Variants in TMEM53 observed in about 807,000 individuals in gnomAD.
The protein encoded by TMEM53 is transmembrane protein 53.
Under a neutral mutation model 21.4 loss-of-function variants are expected in TMEM53, and 14 were observed. That is an observed-to-expected ratio of 0.65 (90% CI 0.43 to 1.02). The LOEUF (loss-of-function observed/expected upper bound fraction) is 1.02. TMEM53 is among the 50% of genes least tolerant of loss of function. The pLI, the probability that TMEM53 is intolerant of heterozygous loss-of-function variation, is 0.00. For missense variants in TMEM53, 323 were observed against 383.6 expected (o/e 0.84, Z 1.32); for synonymous variants, 148 against 157.4 (o/e 0.94, Z 0.45).
intron 1 of TMEM53, among the ~76,000 whole-genome samples, chr1:44,667,907 C>T (rs1055127482): frequency 3.9e-5 from 6 of 152,234 alleles, no homozygotes; most frequent in African/African-American, 1.4e-4. Flanking sequence ...ATCTCACAAG[C>T]TCCCTGTCCT....
In TMEM53 at chr1:44,674,326, C is replaced by T; in HGVS notation, c.61+5G>A. 3 of 1,611,548 alleles carry T rather than the reference C, an allele frequency of 1.9e-6. No individual in the cohort carries two copies. The highest frequency in any genetic ancestry group is 2.5e-6 in the Non-Finnish European group (3 of 1,178,732). On this transcript the variant is annotated splice_donor_5th_base_variant and intron_variant, in intron 1 of 2. Coordinates refer to ENST00000372237, the MANE Select transcript of TMEM53 (RefSeq NM_024587.4). ...CCGCGCCTGGACCCAACCCTCATTCCATACTCTGGCTCCAGCAGGGCTGAT... is the reference window on the plus strand; with the variant it reads ...CCGCGCCTGGACCCAACCCTCATTCTATACTCTGGCTCCAGCAGGGCTGAT...
At chr1:44,671,870 A>G (rs896605386) in intron 1 of TMEM53, among the ~76,000 whole-genome samples, 9 of 152,262 alleles carry the variant, frequency 5.9e-5, no homozygotes, top group African/African-American at 2.2e-4. Flanking sequence ...CGGAGGTTGC[A>G]GTGAACTGAG....
At chr1:44,674,236 C>G in intron 1 of TMEM53, 95 bp downstream of exon 1, 2 of 1,489,180 alleles carry the variant, frequency 1.3e-6, no homozygotes, top group South Asian at 1.3e-5. Flanking sequence ...CGAGGGAGGG[C>G]GGGGCCGCAT....
chr1:44,657,893 T>C lies in TMEM53; in HGVS notation c.183+2281A>G, dbSNP rs191393762. 6.3e-3 allele frequency among the ~76,000 whole-genome samples: 893 copies of C among 141,670 alleles called. 9 individuals carry two copies. Among genetic ancestry groups the C allele is most frequent in the African/African-American group, 0.021 (844 of 41,132 alleles). 92.9% of individuals were successfully genotyped at this position (141,670 alleles called of 152,430 possible). On this transcript the variant is annotated intron_variant, in intron 2 of 2. Transcript: ENST00000372237. ...GAGTTTTGGGTTGGACTTTTTTTTT[T>C]TCTCTACATTCATCCTGTCCTCCCT...
chr1:44,661,450 A>AGGCT (rs1644901879), intron 1 of TMEM53, among the ~76,000 whole-genome samples: 2 of 151,052 alleles, frequency 1.3e-5, no homozygotes, highest in Non-Finnish European at 3.0e-5. Context: ...CATGTTGGCC[A>AGGCT]GGCTGGTCTC....
chr1:44,659,390 G>A (rs1644878745), intron 2 of TMEM53, among the ~76,000 whole-genome samples: 1 of 152,216 alleles, frequency 6.6e-6, no homozygotes. Flanking sequence ...GGTGGAGCTG[G>A]AGGCCCAAGA....
At chr1:44,672,359 T>C (rs1286910791) in intron 1 of TMEM53, among the ~76,000 whole-genome samples, 1 of 152,220 alleles carries the variant, frequency 6.6e-6, no homozygotes, top group Admixed American at 6.5e-5. Context: ...AGCCCTGCAG[T>C]TAGCACACCA....
intron 1 of TMEM53, among the ~76,000 whole-genome samples, chr1:44,665,152 C>T (rs1332235875): frequency 2.6e-5 from 4 of 151,806 alleles, no homozygotes; most frequent in Admixed American, 1.3e-4. Context: ...ACAGCACCCA[C>T]CACCACACCA....
At chr1:44,670,288 T>C (rs1387805095) in intron 1 of TMEM53, among the ~76,000 whole-genome samples, 1 of 151,858 alleles carries the variant, frequency 6.6e-6, no homozygotes, top group Non-Finnish European at 1.5e-5. Context: ...CAGGTTTTCA[T>C]CTAATTCTCC....
chr1:44,670,040 C>T (rs773850611), intron 1 of TMEM53, among the ~76,000 whole-genome samples: 39 of 151,786 alleles, frequency 2.6e-4, no homozygotes, highest in Non-Finnish European at 5.0e-4. Context: ...TCAGGTGATC[C>T]GCCAACCTCG....
chr1:44,657,928 T>G (rs1290061535), intron 2 of TMEM53, among the ~76,000 whole-genome samples: 1 of 151,828 alleles, frequency 6.6e-6, no homozygotes, highest in Admixed American at 6.6e-5. Flanking sequence ...TATTGGAAAG[T>G]CTTCCTTTCC....
Position 44,654,827 on chromosome 1 carries a change from G to C in TMEM53, c.566C>G (p.Ala189Gly), listed in dbSNP as rs779535239. The C allele has an allele frequency of 2.5e-6, 4 of 1,613,468 alleles. No individual in the cohort carries two copies. In the Admixed American group the frequency reaches 5.0e-5, roughly 20 times the overall value. ...GGTGTGGAAGAGGGCTGTGATGGGA[G>C]CAAGCAGGACGTGGAACAGGACGAC... ...LVVVLFHVLL[A>G]PITALFHTHF... is the part of the protein sequence containing the mutation. The change falls in exon 3 of 3, where the codon GCT becomes GGT. Residue 189 changes from alanine (A) to glycine (G), a missense_variant. By Grantham distance (60) the Ala-to-Gly change is moderately conservative. This residue lies in a region of TMEM53 where 269 missense variants were observed against 334.5 expected (regional missense o/e 0.80). Coordinates refer to ENST00000372237, the MANE Select transcript of TMEM53 (RefSeq NM_024587.4). The surrounding 1 kb of genome is among the most constrained non-coding windows in gnomAD (Gnocchi z 7.0).
chr1:44,665,663 T>C (rs1040635702), intron 1 of TMEM53, among the ~76,000 whole-genome samples: 1 of 151,854 alleles, frequency 6.6e-6, no homozygotes, highest in African/African-American at 2.4e-5. Context: ...ATGCAATCTT[T>C]GACTTGGTAA....
At chr1:44,670,242 C>A (rs1232371520) in intron 1 of TMEM53, among the ~76,000 whole-genome samples, 1 of 147,948 alleles carries the variant, frequency 6.8e-6, no homozygotes, top group Non-Finnish European at 1.5e-5. Flanking sequence ...CTCTCTTCAC[C>A]TGGGTCTTTG....
At chr1:44,674,244 C>CAT in intron 1 of TMEM53, 87 bp downstream of exon 1, 1 of 1,507,072 alleles carries the variant, frequency 6.6e-7, no homozygotes. Flanking sequence ...GGCGGGGCCG[C>CAT]ATGAGGGGCG....
intron 1 of TMEM53, among the ~76,000 whole-genome samples, chr1:44,663,201 G>A (rs1002532281): frequency 1.4e-4 from 22 of 152,290 alleles, no homozygotes; most frequent in African/African-American, 4.3e-4. Context: ...CCACAGGCAC[G>A]TGCCACCATG....
chr1:44,666,838 G>A (rs939555012), intron 1 of TMEM53, among the ~76,000 whole-genome samples: 4 of 151,516 alleles, frequency 2.6e-5, no homozygotes, highest in Admixed American at 1.3e-4. Context: ...CCAGTGAATT[G>A]TACTTTTTTT....
chr1:44,674,401 G>T lies in TMEM53; in HGVS notation c.-10C>A, dbSNP rs758929489. ...GCTCTGCCGAGGCCATGGTGAAGGC[G>T]CCGGCCCAGAGCACGGGTCTCCAGC... On this transcript the variant is annotated 5_prime_UTR_variant, in exon 1 of 3. Transcript: ENST00000372237. 1.2e-6 allele frequency: 2 copies of T among 1,608,738 alleles called. No individual in the cohort carries two copies. The highest frequency in any genetic ancestry group is 1.7e-6 in the Non-Finnish European group (2 of 1,177,292).
chr1:44,660,442 T>C, intron 1 of TMEM53, 147 bp from the exon 2 acceptor site: 2 of 1,174,846 alleles, frequency 1.7e-6, no homozygotes, highest in Non-Finnish European at 2.4e-6. Context: ...CATGCACCAG[T>C]TCCCACCCCG....
Sources: gnomAD v4.1 joint callset for allele counts (sites outside exome capture counted in the v4.1 genomes callset) on GRCh38, gnomAD v4.1.1 for gene constraint, gnomAD v4.1.1 regional missense constraint, Gnocchi (gnomAD v3.1) non-coding constraint, MANE v1.5 for transcripts, NCBI Gene and HGNC (gene_info 2026-07-23, HGNC 2026-07-21) for gene names.